The following CDH15 variants were observed in gnomAD, a reference collection of about 807,000 sequenced individuals.
CDH15 encodes the protein cadherin 15.
A neutral mutation model predicts 69.4 loss-of-function variants in CDH15; 73 were observed. The ratio of observed to expected loss-of-function variants is 1.05; its 90% CI spans 0.87 to 1.28. CDH15 has a LOEUF of 1.28. Ranked by LOEUF, CDH15 falls within the 50% of genes most tolerant of loss-of-function variation. The pLI is 0.00. For synonymous variants in CDH15, 624 were observed against 507.7 expected (o/e 1.23, Z -3.08); for missense variants, 1,343 against 1,133.6 (o/e 1.18, Z -2.65).
At chr16:89,172,025 G>A (rs1915168712) in intron 1 of CDH15, 152 bp downstream of exon 1, 3 of 740,764 alleles carry the variant, frequency 4.0e-6, no homozygotes, top group Non-Finnish European at 6.7e-6. Context: ...TGGGTCCCTG[G>A]GCTGGGGGCA....
At chr16:89,194,782 T>G in intron 13 of CDH15, 80 bp from the exon 14 acceptor site, 1 of 1,432,116 alleles carries the variant, frequency 7.0e-7, no homozygotes, top group Non-Finnish European at 9.6e-7. Context: ...TTGAGCTGAC[T>G]TTGCCCTGGG....
chr16:89,179,871 G>A (rs1915336865), intron 2 of CDH15, among the ~76,000 whole-genome samples: 5 of 152,244 alleles, frequency 3.3e-5, no homozygotes, highest in Admixed American at 3.3e-4. Context: ...TTGTGTGCGT[G>A]TTCGCCGACG....
intron 1 of CDH15, among the ~76,000 whole-genome samples, chr16:89,176,814 G>A (rs1222424569): frequency 1.4e-5 from 2 of 145,826 alleles, no homozygotes; most frequent in African/African-American, 5.0e-5. Context: ...TGTGTGGTGG[G>A]TGATGTTTGG....
intron 3 of CDH15, chr16:89,183,192 A>AC (rs1419534339): frequency 1.4e-5 from 3 of 210,768 alleles, no homozygotes; most frequent in Non-Finnish European, 2.9e-5. Flanking sequence ...CAAAAAAAAA[A>AC]ACAAAAAACA....
intron 1 of CDH15, among the ~76,000 whole-genome samples, chr16:89,177,591 G>C (rs964568221): frequency 6.6e-6 from 1 of 152,000 alleles, no homozygotes; most frequent in African/African-American, 2.4e-5. Context: ...GAGGGCACAG[G>C]GGATGGGAGA....
intron 7 of CDH15, among the ~76,000 whole-genome samples, chr16:89,189,282 G>GCACACACAGATGCCCACACACAGATGCCA (rs1567775294): frequency 1.7e-5 from 2 of 115,880 alleles, no homozygotes; most frequent in Non-Finnish European, 3.5e-5. Flanking sequence ...CACAGATGCC[G>GCACACACAGATGCCCACACACAGATGCCA]GCACACACAG....
At chr16:89,180,976 T>A (rs1414753978) in intron 3 of CDH15, among the ~76,000 whole-genome samples, 1 of 141,906 alleles carries the variant, frequency 7.0e-6, no homozygotes, top group South Asian at 2.4e-4. Context: ...CGCCCGACCT[T>A]TTTTTTTTTT....
At chr16:89,176,491 G>A (rs1369029155) in intron 1 of CDH15, among the ~76,000 whole-genome samples, 1 of 152,208 alleles carries the variant, frequency 6.6e-6, no homozygotes, top group Non-Finnish European at 1.5e-5. Context: ...GGGGAGCTGG[G>A]TGAGGCCTCC....
At position 89,188,279 on chromosome 16, in the gene CDH15, T is replaced by A. The variant is rs1915535881; in HGVS notation, c.972T>A (p.Ile324=). Residue 324 remains isoleucine, a synonymous_variant, in exon 7 of 14, where the codon ATT becomes ATA. Transcript: ENST00000289746. ...AGACCAACGAGGGTGTTCTGTCCAT[T>A]GTGAAGGTGAGCGGCCCCCGGCTGG... The part of the protein sequence containing the change: ...DPKTNEGVLS[I]VKALDYESCE... The A allele has an allele frequency of 1.2e-6, 2 of 1,613,126 alleles. No individual in the cohort carries two copies. The highest frequency in any genetic ancestry group is 2.7e-5 in the African/African-American group (2 of 75,018).
At chr16:89,194,639 T>A (rs1363100762) in intron 13 of CDH15, among the ~76,000 whole-genome samples, 2 of 152,136 alleles carry the variant, frequency 1.3e-5, no homozygotes, top group African/African-American at 4.8e-5. Flanking sequence ...GGCTGGCCGC[T>A]GGCCTAATAC....
At chr16:89,176,294 A>T (rs984987950) in intron 1 of CDH15, among the ~76,000 whole-genome samples, 1 of 152,176 alleles carries the variant, frequency 6.6e-6, no homozygotes, top group Admixed American at 6.5e-5. Context: ...AGGGTGAGGC[A>T]TTGGCACGGG....
At chr16:89,188,854 C>CAG (rs377644317) in intron 7 of CDH15, among the ~76,000 whole-genome samples, 3 of 91,064 alleles carry the variant, frequency 3.3e-5, no homozygotes, top group African/African-American at 9.0e-5. Context: ...ACACAGATGC[C>CAG]CACGCACAGG....
Position 89,188,199 on chromosome 16 carries a change from T to C in CDH15, c.892T>C (p.Phe298Leu). The stretch of plus-strand genomic sequence containing the variant: ...AGGCTCCCCAAACTGGGTGGCCAGG[T>C]TCACCATCCTGGAAGGCGACCCCGA... ...LPGSPNWVAR[F>L]TILEGDPDGQ... The change falls in exon 7 of 14, where the codon TTC becomes CTC. Residue 298 changes from phenylalanine to leucine, a missense_variant. By Grantham distance (22) the Phe-to-Leu change is conservative. Coordinates refer to ENST00000289746, the MANE Select transcript of CDH15 (RefSeq NM_004933.3). 1 of 1,613,358 alleles carries C rather than the reference T, an allele frequency of 6.2e-7. No homozygotes were observed.
chr16:89,185,407 A>G, intron 5 of CDH15, 74 bp downstream of exon 5: 1 of 1,488,066 alleles, frequency 6.7e-7, no homozygotes. Context: ...CTCTGCCCCC[A>G]GCCTGCCCAC....
intron 2 of CDH15, 95 bp from the exon 3 acceptor site, chr16:89,180,103 GCC>G: frequency 5.2e-6 from 7 of 1,337,296 alleles, no homozygotes; most frequent in Non-Finnish European, 7.3e-6. Flanking sequence ...ACTTAGACCT[GCC>G]CTGCTGTCAG....
chr16:89,189,021 CCA>C (rs1394858174), intron 7 of CDH15, among the ~76,000 whole-genome samples: 5 of 140,822 alleles, frequency 3.6e-5, no homozygotes, highest in African/African-American at 1.1e-4. Flanking sequence ...ACACAGGTGC[CCA>C]CACACAGATG....
intron 1 of CDH15, among the ~76,000 whole-genome samples, chr16:89,175,061 T>C (rs1915230204): frequency 6.6e-6 from 1 of 151,884 alleles, no homozygotes; most frequent in Admixed American, 6.6e-5. Context: ...ACACCCACAT[T>C]GGCCGTGATC....
At chr16:89,189,186 C>G (rs908268273) in intron 7 of CDH15, among the ~76,000 whole-genome samples, 57 of 144,930 alleles carry the variant, frequency 3.9e-4, no homozygotes, top group Admixed American at 6.9e-4. Context: ...GATGCCGGCA[C>G]ACACAGATGC....
intron 5 of CDH15, 50 bp from the exon 6 acceptor site, chr16:89,187,379 T>G: frequency 6.2e-7 from 1 of 1,607,746 alleles, no homozygotes; most frequent in Non-Finnish European, 8.5e-7. Context: ...CCAGTCCCCA[T>G]GTGCCCCACC....
Sources: gnomAD v4.1 joint callset for allele counts (sites outside exome capture counted in the v4.1 genomes callset) on GRCh38, gnomAD v4.1.1 for gene constraint, MANE v1.5 for transcripts, NCBI Gene and HGNC (gene_info 2026-07-23, HGNC 2026-07-21) for gene names.